The following MSR1 variants were observed in gnomAD, a reference collection of about 807,000 sequenced individuals.
The protein encoded by MSR1 is macrophage scavenger receptor 1.
In MSR1, 53 loss-of-function variants were observed where a neutral mutation model predicts 47.2. The ratio of observed to expected loss-of-function variants is 1.12; its 90% CI spans 0.90 to 1.41. The LOEUF (loss-of-function observed/expected upper bound fraction) is 1.41. Ranked by LOEUF, MSR1 falls within the 40% of genes most tolerant of loss-of-function variation. The probability of loss-of-function intolerance (pLI) is 0.00; values close to 1 mark genes in which losing one functional copy is unlikely to be tolerated. For missense variants in MSR1, 786 were observed against 546.9 expected (o/e 1.44, Z -4.36); for synonymous variants, 239 against 185.6 (o/e 1.29, Z -2.34).
rs751840345 is a variant in MSR1 at position 16,168,708 on chromosome 8, T to C, written c.380A>G (p.His127Arg). The C allele has an allele frequency of 5.0e-6, 8 of 1,614,080 alleles. No individual in the cohort carries two copies. The East Asian group carries it at 1.3e-4, about 27-fold the overall frequency. ...HMSNMEKRIQ[H>R]ILDMEANLMD... The stretch of plus-strand genomic sequence containing the variant: ...GAGGTTGGCTTCCATGTCTAAAATA[T>C]GCTGGATTCTCTTCTCCATGTTGCT... Residue 127 changes from histidine (H) to arginine (R), a missense_variant, in exon 4 of 10, where the codon CAT becomes CGT. Transcript: ENST00000262101.
chr8:16,154,930 G>A lies in MSR1; in HGVS notation c.898+134C>T, dbSNP rs112260666. The A allele has an allele frequency of 4.7e-3, 3,370 of 722,772 alleles. 77 individuals carry two copies. The African/African-American group carries it at 0.05, about 11-fold the overall frequency. The allele number at this position is 722,772 out of a possible 1,614,324, so 44.8% of individuals were successfully genotyped here. The stretch of plus-strand genomic sequence containing the variant: ...CACACACACATATACACACATGTGC[G>A]TGCATACACACACACACACACATAC... On this transcript the variant is annotated intron_variant, in intron 6 of 9. Transcript: ENST00000262101.
intron 8 of MSR1, among the ~76,000 whole-genome samples, chr8:16,127,220 A>C (rs956821082): frequency 4.6e-5 from 7 of 152,194 alleles, no homozygotes; most frequent in African/African-American, 1.4e-4. Flanking sequence ...ATGTCCAGGC[A>C]TCTTTATATG....
intron 5 of MSR1, among the ~76,000 whole-genome samples, chr8:16,162,720 C>G (rs1186542302): frequency 6.6e-6 from 1 of 151,970 alleles, no homozygotes; most frequent in African/African-American, 2.4e-5. Context: ...TTGTGCAGTA[C>G]TGATAAACCA....
chr8:16,177,654 G>C (rs774753824), intron 2 of MSR1, among the ~76,000 whole-genome samples: 3 of 152,060 alleles, frequency 2.0e-5, no homozygotes, highest in Non-Finnish European at 4.4e-5. Flanking sequence ...TAATATTGTA[G>C]CTGGGAAGCC....
chr8:16,183,258 A>T lies in MSR1; in HGVS notation c.-4-5266T>A, dbSNP rs558095887. Among the ~76,000 whole-genome samples the T allele has an allele frequency of 4.6e-5, 7 of 152,052 alleles. No individual in the cohort carries two copies. The South Asian group carries it at 1.4e-3, about 31-fold the overall frequency. On this transcript the variant is annotated intron_variant, in intron 1 of 9. Coordinates refer to ENST00000262101, the MANE Select transcript of MSR1 (RefSeq NM_138715.3). ...CTGAAATGCAAAATAAACAGCTCAG[A>T]TTATTCTATCTACCAGGTAAGACCG...
chr8:16,155,590 C>A (rs775349085), intron 5 of MSR1, among the ~76,000 whole-genome samples: 1 of 151,984 alleles, frequency 6.6e-6, no homozygotes, highest in Non-Finnish European at 1.5e-5. Context: ...AAAATTCACA[C>A]ATGGTAGACA....
At chr8:16,168,929 C>T in intron 3 of MSR1, 59 bp from the exon 4 acceptor site, 1 of 1,487,528 alleles carries the variant, frequency 6.7e-7, no homozygotes, top group Admixed American at 1.7e-5. Context: ...CATACAGGAT[C>T]CCATCCCATA....
chr8:16,168,172 T>G (rs756205143), intron 4 of MSR1, among the ~76,000 whole-genome samples: 1 of 152,214 alleles, frequency 6.6e-6, no homozygotes, highest in Non-Finnish European at 1.5e-5. Flanking sequence ...AAATTATGAT[T>G]GGTTTAGGCA....
intron 6 of MSR1, among the ~76,000 whole-genome samples, chr8:16,153,562 T>TA (rs973692821): frequency 3.4e-3 from 506 of 146,768 alleles, no homozygotes; most frequent in East Asian, 5.5e-3. Context: ...TAATTTACAA[T>TA]AAAAAAAAAA....
At chr8:16,147,861 T>C (rs1275680658) in intron 7 of MSR1, among the ~76,000 whole-genome samples, 2 of 152,150 alleles carry the variant, frequency 1.3e-5, no homozygotes, top group Non-Finnish European at 2.9e-5. Flanking sequence ...TTCTGCACTG[T>C]TTTTTTCCAC....
intron 8 of MSR1, chr8:16,140,612 G>C: frequency 9.1e-7 from 1 of 1,098,270 alleles, no homozygotes; most frequent in Non-Finnish European, 1.1e-6. Flanking sequence ...ACTCTTCCAA[G>C]TTAGGGTGAG....
chr8:16,143,394 AC>A (rs1800612677), intron 8 of MSR1, among the ~76,000 whole-genome samples, 163 bp downstream of exon 8: 1 of 152,230 alleles, frequency 6.6e-6, no homozygotes, highest in African/African-American at 2.4e-5. Context: ...TATTTGTTTT[AC>A]CCCAATTAGC....
chr8:16,128,458 GC>G (rs1800179313), intron 8 of MSR1, among the ~76,000 whole-genome samples: 1 of 152,038 alleles, frequency 6.6e-6, no homozygotes, highest in South Asian at 2.1e-4. Flanking sequence ...TGAGAAGGGG[GC>G]CGTCTGCAAG....
At chr8:16,151,195 G>A (rs983866209) in intron 6 of MSR1, among the ~76,000 whole-genome samples, 1 of 152,054 alleles carries the variant, frequency 6.6e-6, no homozygotes, top group Non-Finnish European at 1.5e-5. Context: ...GCCTGCTTTA[G>A]ACAGGAGCAT....
chr8:16,157,802 T>A (rs957339528), intron 5 of MSR1, among the ~76,000 whole-genome samples: 8 of 151,986 alleles, frequency 5.3e-5, no homozygotes, highest in African/African-American at 1.7e-4. Context: ...GGACTATTGC[T>A]AGAGATTTTT....
At chr8:16,131,441 G>GTTTTTTTTTTTTTTTTTTTTTT in intron 8 of MSR1, among the ~76,000 whole-genome samples, 1 of 54,660 alleles carries the variant, frequency 1.8e-5, no homozygotes, top group Non-Finnish European at 3.2e-5. Context: ...TCTGTTGATA[G>GTTTTTTTTTTTTTTTTTTTTTT]TTTTTTTTTT....
chr8:16,139,268 C>T (rs539109355), intron 8 of MSR1: 22 of 984,420 alleles, frequency 2.2e-5, no homozygotes, highest in Non-Finnish European at 2.7e-5. Context: ...TGCATTATAC[C>T]AGCGGGGAAA....
chr8:16,124,525 T>A (rs1800083650), intron 8 of MSR1, among the ~76,000 whole-genome samples: 1 of 152,162 alleles, frequency 6.6e-6, no homozygotes, highest in South Asian at 2.1e-4. Flanking sequence ...TTTTACTTTA[T>A]ATATAACTAC....
intron 5 of MSR1, among the ~76,000 whole-genome samples, chr8:16,156,947 G>A (rs1367144144): frequency 3.3e-5 from 5 of 151,958 alleles, no homozygotes; most frequent in Admixed American, 6.6e-5. Context: ...GAACGCAGCT[G>A]CATCCATTCA....
Sources: gnomAD v4.1 joint callset for allele counts (sites outside exome capture counted in the v4.1 genomes callset) on GRCh38, gnomAD v4.1.1 for gene constraint, MANE v1.5 for transcripts, NCBI Gene and HGNC (gene_info 2026-07-23, HGNC 2026-07-21) for gene names.